Variants in ATP9A observed in about 807,000 individuals in gnomAD.
ATP9A encodes the protein probable phospholipid-transporting ATPase IIA.
A neutral mutation model predicts 144.1 loss-of-function variants in ATP9A; 52 were observed. The ratio of observed to expected loss-of-function variants is 0.36; its 90% CI spans 0.29 to 0.45. The LOEUF is 0.45. ATP9A is among the 20% of genes least tolerant of loss of function. The pLI is 1.00. For missense variants in ATP9A, 947 were observed against 1,392.7 expected (o/e 0.68, Z 5.09); for synonymous variants, 582 against 557.4 (o/e 1.04, Z -0.62).
chr20:51,681,364 TA>T (rs2077498863), intron 9 of ATP9A, among the ~76,000 whole-genome samples: 1 of 152,184 alleles, frequency 6.6e-6, no homozygotes, highest in Non-Finnish European at 1.5e-5. Flanking sequence ...TTTTCCTTTT[TA>T]CTGATTTTGG....
chr20:51,746,959 T>C lies in ATP9A; in HGVS notation c.69-16981A>G, dbSNP rs2077811142. 2.2e-5 allele frequency among the ~76,000 whole-genome samples: 2 copies of C among 90,740 alleles called. 1 individual carries two copies. Among genetic ancestry groups the C allele is most frequent in the Non-Finnish European group, 4.5e-5 (2 of 44,536 alleles). 59.5% of individuals were successfully genotyped at this position (90,740 alleles called of 152,430 possible). ...AGGCGGAGGTTGCAGTGAGCCGAGG[T>C]AGTGCCATTGCACTCCAGCCTGGGC... On this transcript the variant is annotated intron_variant, in intron 1 of 27. Coordinates refer to ENST00000338821, the MANE Select transcript of ATP9A (RefSeq NM_006045.3).
intron 4 of ATP9A, among the ~76,000 whole-genome samples, chr20:51,705,480 C>T (rs2077611083): frequency 6.6e-6 from 1 of 152,108 alleles, no homozygotes; most frequent in African/African-American, 2.4e-5. Context: ...GCTGAAGATA[C>T]GCAAAAGAGC....
At chr20:51,604,746 T>C (rs2077156544) in intron 27 of ATP9A, 71 bp downstream of exon 27, 6 of 1,340,590 alleles carry the variant, frequency 4.5e-6, no homozygotes, top group Non-Finnish European at 5.9e-6. Context: ...CCTTCCTTCA[T>C]ACGGCAGTGA....
intron 13 of ATP9A, among the ~76,000 whole-genome samples, chr20:51,666,167 C>CTG (rs1328329779): frequency 1.3e-5 from 2 of 152,076 alleles, no homozygotes; most frequent in African/African-American, 2.4e-5. Context: ...CTTCCTGTAC[C>CTG]CCAGTGGGTC....
chr20:51,661,694 G>A (rs988223496), intron 13 of ATP9A, among the ~76,000 whole-genome samples: 2 of 151,832 alleles, frequency 1.3e-5, no homozygotes, highest in African/African-American at 2.4e-5. Context: ...TAAAGATAAA[G>A]AATTTCTGTT....
chr20:51,735,116 G>C (rs2077757990), intron 1 of ATP9A: 3 of 164,176 alleles, frequency 1.8e-5, no homozygotes, highest in Non-Finnish European at 1.3e-5. Flanking sequence ...ATGACCTCTG[G>C]GCTGCCGTCT....
intron 4 of ATP9A, among the ~76,000 whole-genome samples, chr20:51,698,969 C>T (rs1249999140): frequency 6.6e-6 from 1 of 152,138 alleles, no homozygotes; most frequent in Admixed American, 6.5e-5. Context: ...AGGAGCAACA[C>T]CACAAAATCT....
intron 9 of ATP9A, among the ~76,000 whole-genome samples, chr20:51,684,058 G>A (rs568244628): frequency 2.6e-5 from 4 of 152,128 alleles, no homozygotes; most frequent in South Asian, 2.1e-4. Context: ...GGTGAGGTGC[G>A]CCTATAGTCG....
intron 2 of ATP9A, among the ~76,000 whole-genome samples, chr20:51,726,727 C>T (rs919035889): frequency 6.6e-6 from 1 of 151,670 alleles, no homozygotes; most frequent in Non-Finnish European, 1.5e-5. Flanking sequence ...CACAAGCATG[C>T]ACCACCATGC....
At chr20:51,747,772 T>C (rs6123078) in intron 1 of ATP9A, among the ~76,000 whole-genome samples, 134,747 of 151,932 alleles carry the variant, frequency 0.89, 59,856 homozygotes, top group African/African-American at 0.92. Flanking sequence ...ACTCGTGTGT[T>C]GACCCACTCC....
At chr20:51,675,581 C>A (rs780176654) in intron 10 of ATP9A, among the ~76,000 whole-genome samples, 11 of 152,080 alleles carry the variant, frequency 7.2e-5, no homozygotes, top group Non-Finnish European at 1.6e-4. Flanking sequence ...CACAGTTTAA[C>A]CTAAAAGCAC....
At chr20:51,708,961 G>GA (rs1336748712) in intron 4 of ATP9A, among the ~76,000 whole-genome samples, 1 of 151,594 alleles carries the variant, frequency 6.6e-6, no homozygotes, top group Admixed American at 6.6e-5. Flanking sequence ...CCTGAACTAA[G>GA]AAAAAAATGC....
At chr20:51,678,029 TAGAC>T (rs1428900086) in intron 9 of ATP9A, among the ~76,000 whole-genome samples, 2 of 149,338 alleles carry the variant, frequency 1.3e-5, no homozygotes, top group African/African-American at 2.5e-5. Context: ...GCAGGAAAGA[TAGAC>T]AGTAAAGAAG....
intron 1 of ATP9A, among the ~76,000 whole-genome samples, chr20:51,746,858 C>A (rs2077810448): frequency 1.3e-5 from 2 of 149,678 alleles, no homozygotes; most frequent in South Asian, 4.3e-4. Flanking sequence ...AAACAAAAAT[C>A]AATCAGGTGT....
chr20:51,659,239 G>T (rs772384112), intron 13 of ATP9A, among the ~76,000 whole-genome samples: 9 of 152,046 alleles, frequency 5.9e-5, no homozygotes. Flanking sequence ...TCACATTTTG[G>T]CAACACCCTG....
Position 51,600,807 on chromosome 20 carries a change from AACACACACACAC to A in ATP9A, c.*392_*403del, listed in dbSNP as rs35997419. The A allele has an allele frequency of 2.3e-4, 28 of 120,626 alleles. No homozygotes were observed. Among genetic ancestry groups the A allele is most frequent in the East Asian group, 4.1e-4 (2 of 4,838 alleles). The allele number at this position is 120,626 out of a possible 1,614,324, so 7.5% of individuals were successfully genotyped here. A position where few individuals can be genotyped will look rare whatever the true frequency, so the allele number is the denominator to read the frequency against. On this transcript the variant is annotated 3_prime_UTR_variant, in exon 28 of 28. Coordinates refer to ENST00000338821, the MANE Select transcript of ATP9A (RefSeq NM_006045.3). ...TACATACACATTAGGACTCTTTAAA[AACACACACACAC>A]ACACACACACACACACACACACACA... is the stretch of plus-strand genomic sequence containing the variant.
Position 51,601,116 on chromosome 20 carries a change from G to T in ATP9A, c.*95C>A. On this transcript the variant is annotated 3_prime_UTR_variant, in exon 28 of 28. Coordinates refer to ENST00000338821, the MANE Select transcript of ATP9A (RefSeq NM_006045.3). Reference sequence around the variant, plus strand: ...AAAACTGCATGTGTTAGCAATTACTGCAAAATCCACAGGTGGCGGTTAATA... The same window carrying T: ...AAAACTGCATGTGTTAGCAATTACTTCAAAATCCACAGGTGGCGGTTAATA... The T allele has an allele frequency of 7.0e-7, 1 of 1,430,690 alleles. No individual in the cohort carries two copies. The highest frequency in any genetic ancestry group is 1.5e-5 in the South Asian group (1 of 68,114). 88.6% of individuals were successfully genotyped at this position (1,430,690 alleles called of 1,614,324 possible). A position where few individuals can be genotyped will look rare whatever the true frequency, so the allele number is the denominator to read the frequency against.
intron 1 of ATP9A, among the ~76,000 whole-genome samples, chr20:51,749,495 C>T (rs1291001330): frequency 6.6e-6 from 1 of 152,118 alleles, no homozygotes; most frequent in Non-Finnish European, 1.5e-5. Flanking sequence ...AACTCCTGAC[C>T]CCAGGTGATC....
intron 4 of ATP9A, among the ~76,000 whole-genome samples, chr20:51,702,624 C>A (rs1457275954): frequency 6.6e-6 from 1 of 151,864 alleles, no homozygotes; most frequent in Non-Finnish European, 1.5e-5. Context: ...AAAAGAGAGA[C>A]CAAAGTTAGA....
Sources: gnomAD v4.1 joint callset for allele counts (sites outside exome capture counted in the v4.1 genomes callset) on GRCh38, gnomAD v4.1.1 for gene constraint, MANE v1.5 for transcripts, NCBI Gene and HGNC (gene_info 2026-07-23, HGNC 2026-07-21) for gene names.